Variants in ZNF232 observed in about 807,000 individuals in gnomAD.
ZNF232 encodes zinc finger protein 232.
A neutral mutation model predicts 25.2 loss-of-function variants in ZNF232; 25 were observed. The ratio of observed to expected loss-of-function variants is 0.99; its 90% CI spans 0.72 to 1.39. The LOEUF (loss-of-function observed/expected upper bound fraction) is 1.39. ZNF232 is among the 40% of genes most tolerant of loss of function. The pLI is 0.00. For synonymous variants in ZNF232, 193 were observed against 182.9 expected (o/e 1.06, Z -0.45); for missense variants, 519 against 520.9 (o/e 1.00, Z 0.04).
exon 4 of ZNF232, chr17:5,105,786 G>A (rs779832975): frequency 1.0e-5 from 15 of 1,505,438 alleles, no homozygotes; most frequent in African/African-American, 1.4e-5. Flanking sequence ...AGATTAGACC[G>A]ATGTAGAATT....
chr17:5,119,167 A>G (rs2072597316), intron 1 of ZNF232, among the ~76,000 whole-genome samples: 1 of 152,198 alleles, frequency 6.6e-6, no homozygotes, highest in Non-Finnish European at 1.5e-5. Flanking sequence ...CAAAGAGATT[A>G]TCAGACTCTG....
chr17:5,111,981 C>G, upstream of ZNF232: 3 of 1,105,686 alleles, frequency 2.7e-6, no homozygotes, highest in Non-Finnish European at 3.8e-6. Flanking sequence ...TGCCGAGAGG[C>G]TGGGAGCCCG....
chr17:5,115,500 G>A (rs1462622655), upstream of ZNF232, among the ~76,000 whole-genome samples: 1 of 151,588 alleles, frequency 6.6e-6, no homozygotes, highest in Non-Finnish European at 1.5e-5. Context: ...ACAGTGAGCC[G>A]AGATGGCGCC....
At chr17:5,122,812 C>T (rs1187594786) in intron 1 of ZNF232, among the ~76,000 whole-genome samples, 2 of 152,244 alleles carry the variant, frequency 1.3e-5, no homozygotes, top group African/African-American at 2.4e-5. Flanking sequence ...GTGGGTAGGG[C>T]GCGGAGAGCG....
chr17:5,122,697 C>T (rs369542869), intron 1 of ZNF232, among the ~76,000 whole-genome samples: 15 of 152,294 alleles, frequency 9.8e-5, no homozygotes, highest in African/African-American at 3.1e-4. Context: ...CAGCTGCCCG[C>T]GCCTAAGCTC....
At chr17:5,108,775 A>G in intron 3 of ZNF232, 151 bp downstream of exon 3, 7 of 1,250,618 alleles carry the variant, frequency 5.6e-6, no homozygotes, top group Non-Finnish European at 7.7e-6. Context: ...GAAACAGGCA[A>G]AGTCTCTCAC....
At chr17:5,107,111 G>A (rs1193748922) in intron 3 of ZNF232, among the ~76,000 whole-genome samples, 2 of 150,672 alleles carry the variant, frequency 1.3e-5, no homozygotes, top group African/African-American at 4.9e-5. Context: ...GTGTGTTGCC[G>A]GGCGTGGTGG....
chr17:5,106,606 CTA>C, intron 3 of ZNF232, 73 bp from the exon 4 acceptor site: 2 of 1,264,946 alleles, frequency 1.6e-6, no homozygotes, highest in Non-Finnish European at 2.2e-6. Flanking sequence ...TTAAAAACAA[CTA>C]TATATATGAC....
intron 1 of ZNF232, among the ~76,000 whole-genome samples, chr17:5,120,355 A>G (rs2072626180): frequency 6.6e-6 from 1 of 151,948 alleles, no homozygotes; most frequent in Admixed American, 6.6e-5. Context: ...GGGGGTTGTT[A>G]TCTCTCAGGG....
chr17:5,120,539 C>T (rs1597952540), intron 1 of ZNF232: 3 of 351,774 alleles, frequency 8.5e-6, no homozygotes, highest in Non-Finnish European at 1.7e-5. Flanking sequence ...CTGTCATCTG[C>T]ACCTGTCTCT....
chr17:5,112,839 C>G (rs570042780), upstream of ZNF232, among the ~76,000 whole-genome samples: 89 of 151,900 alleles, frequency 5.9e-4, no homozygotes, highest in African/African-American at 2.1e-3. Flanking sequence ...GTGGCGGGCG[C>G]CTGTAGTCCC....
intron 1 of ZNF232, 109 bp from the exon 2 acceptor site, chr17:5,109,977 C>T (rs2072360526): frequency 1.8e-6 from 2 of 1,099,682 alleles, no homozygotes; most frequent in East Asian, 2.6e-5. Context: ...GCAACCTCCA[C>T]CCCCGGGGTT....
upstream of ZNF232, chr17:5,114,377 T>C (rs1157414492): frequency 6.6e-6 from 1 of 152,372 alleles, no homozygotes; most frequent in Non-Finnish European, 1.5e-5. Context: ...TGAGCTCTGA[T>C]TACAAGTCTT....
At chr17:5,120,017 C>G (rs1355858922) in intron 1 of ZNF232, among the ~76,000 whole-genome samples, 1 of 152,102 alleles carries the variant, frequency 6.6e-6, no homozygotes, top group Non-Finnish European at 1.5e-5. Context: ...GATAGAGATC[C>G]AAGGTCCTGC....
rs759306411 is a variant in ZNF232 at position 5,105,967 on chromosome 17, G to A, written c.1165C>T (p.Gln389Ter). Residue 389 changes from glutamine to a stop codon, truncating the protein, a stop_gained, in exon 4 of 4, where the codon CAA becomes TAA. Transcript: ENST00000575898. LOFTEE classifies it low-confidence loss of function (END_TRUNC). ...CGATGCTGACTTAGATATGAGCTTT[G>A]ACTAAAGGCCTTCCCACACTCATTA... The A allele has an allele frequency of 1.2e-6, 2 of 1,614,138 alleles. No individual in the cohort carries two copies. Among genetic ancestry groups the A allele is most frequent in the South Asian group, 2.2e-5 (2 of 91,076 alleles).
At position 5,107,394 on chromosome 17, in the gene ZNF232, GAA is replaced by G. The variant is rs749338515; in HGVS notation, c.626-890_626-889del. Among the ~76,000 whole-genome samples, 35 of 60,682 alleles carry G rather than the reference GAA, an allele frequency of 5.8e-4. 1 individual carries two copies. Among genetic ancestry groups the G allele is most frequent in the African/African-American group, 2.1e-3 (33 of 16,064 alleles). 39.8% of individuals were successfully genotyped at this position (60,682 alleles called of 152,430 possible). On this transcript the variant is annotated intron_variant, in intron 3 of 3. Coordinates refer to ENST00000575898, the Ensembl canonical transcript of ZNF232. ...CAGAGCGAGACTCCATCTCAAAAAG[GAA>G]AAAAAAAAAAAAAAAAAAAAAAAGA... is the stretch of plus-strand genomic sequence containing the variant.
chr17:5,106,094 T>C, exon 4 of ZNF232: 1 of 1,614,182 alleles, frequency 6.2e-7, no homozygotes, highest in Non-Finnish European at 8.5e-7. Flanking sequence ...AGGGTTTCTC[T>C]CCTGTATGAA....
intron 3 of ZNF232, 107 bp downstream of exon 3, chr17:5,108,819 C>T (rs967070916): frequency 5.9e-6 from 9 of 1,535,676 alleles, no homozygotes; most frequent in Non-Finnish European, 8.0e-6. Flanking sequence ...TGTGATGATA[C>T]CAAACATTTA....
At chr17:5,107,205 G>A (rs915952372) in intron 3 of ZNF232, among the ~76,000 whole-genome samples, 11 of 151,640 alleles carry the variant, frequency 7.3e-5, no homozygotes, top group South Asian at 4.2e-4. Flanking sequence ...TGGCCAACAC[G>A]GTGAAACCCC....
Sources: allele counts gnomAD v4.1 joint callset (sites outside exome capture counted in the v4.1 genomes callset), GRCh38; gene constraint gnomAD v4.1.1; transcripts MANE v1.5; gene names NCBI Gene and HGNC (gene_info 2026-07-23, HGNC 2026-07-21).